QPCT: variants seen among roughly 807,000 people sequenced by gnomAD.
QPCT encodes EC.
In QPCT, 44 loss-of-function variants were observed where a neutral mutation model predicts 43.4. The ratio of observed to expected loss-of-function variants is 1.01; its 90% CI spans 0.80 to 1.30. The LOEUF (loss-of-function observed/expected upper bound fraction) is 1.30. Ranked by LOEUF, QPCT falls within the 50% of genes most tolerant of loss-of-function variation. The probability of loss-of-function intolerance (pLI) is 0.00; values close to 1 mark genes in which losing one functional copy is unlikely to be tolerated. For missense variants in QPCT, 526 were observed against 436.5 expected, an observed-to-expected ratio of 1.21 and a Z score of -1.83; for synonymous variants, 168 against 168.4, an observed-to-expected ratio of 1.00 and a Z score of 0.02.
At chr2:37,358,256 C>A (rs1672788222) in intron 2 of QPCT, among the ~76,000 whole-genome samples, 2 of 151,672 alleles carry the variant, frequency 1.3e-5, no homozygotes, top group African/African-American at 2.4e-5. Flanking sequence ...CTACAAAAAA[C>A]CAAAAAAACA....
At chr2:37,360,222 T>C (rs915846440) in intron 3 of QPCT, among the ~76,000 whole-genome samples, 15 of 152,214 alleles carry the variant, frequency 9.9e-5, no homozygotes, top group African/African-American at 3.6e-4. Context: ...CCATGAAACA[T>C]CACAACCTTC....
intron 4 of QPCT, among the ~76,000 whole-genome samples, chr2:37,369,175 C>T (rs1272674435): frequency 6.6e-6 from 1 of 152,130 alleles, no homozygotes; most frequent in Non-Finnish European, 1.5e-5. Flanking sequence ...ATTTGATACA[C>T]AAGGAAATGG....
At position 37,350,478 on chromosome 2, in the gene QPCT, G is replaced by C. The variant is rs554338820; in HGVS notation, c.121-2311G>C. Among the ~76,000 whole-genome samples the C allele has an allele frequency of 6.6e-5, 10 of 152,272 alleles. No homozygotes were observed. The East Asian group carries it at 1.7e-3, about 26-fold the overall frequency. On this transcript the variant is annotated intron_variant, in intron 1 of 6. Transcript: ENST00000338415. ...AAGCCTGCACTGACAAGTTTATCAA[G>C]GAAATATATTTAAAAATGTCCTACC...
chr2:37,354,756 A>G (rs770342770), intron 2 of QPCT, among the ~76,000 whole-genome samples: 61 of 152,296 alleles, frequency 4.0e-4, no homozygotes, highest in Middle Eastern at 3.4e-3. Flanking sequence ...GGCATTTTCC[A>G]AAAGCCTCAG....
chr2:37,352,324 T>A (rs77068433), intron 1 of QPCT, among the ~76,000 whole-genome samples: 3,604 of 152,242 alleles, frequency 0.024, 65 homozygotes, highest in Middle Eastern at 0.051. Flanking sequence ...TTGGGTTTTT[T>A]AATTATTTTT....
At chr2:37,365,309 A>C (rs535873412) in intron 3 of QPCT, among the ~76,000 whole-genome samples, 1 of 152,292 alleles carries the variant, frequency 6.6e-6, no homozygotes, top group East Asian at 1.9e-4. Flanking sequence ...AAGTGTAGCC[A>C]GGAGGGAGTA....
In QPCT at chr2:37,372,491, T is replaced by TGTGTTTGTGTGTGTGTGC. The variant is rs781494697; in HGVS notation, c.940+23_940+40dup. The TGTGTTTGTGTGTGTGTGC allele has an allele frequency of 1.1e-5, 17 of 1,576,408 alleles. No homozygotes were observed. The highest frequency in any genetic ancestry group is 1.5e-5 in the Non-Finnish European group (17 of 1,145,988). Reference sequence around the variant, plus strand: ...AGAAGAGGTAATGTGTGTGTGTGTGTGTGTTTGTGTGTGTGTGCGTGCACA... The same window carrying TGTGTTTGTGTGTGTGTGC: ...AGAAGAGGTAATGTGTGTGTGTGTGTGTGTTTGTGTGTGTGTGCGTGTTTGTGTGTGTGTGCGTGCACA... On this transcript the variant is annotated intron_variant, in intron 6 of 6. Transcript: ENST00000338415.
chr2:37,353,916 G>A (rs1558602080), intron 2 of QPCT, among the ~76,000 whole-genome samples: 2 of 152,200 alleles, frequency 1.3e-5, no homozygotes, highest in African/African-American at 4.8e-5. Flanking sequence ...CCAGGCTGGA[G>A]TGCAGTGGCG....
chr2:37,344,871 T>C lies in QPCT; in HGVS notation c.120+20T>C, dbSNP rs748268585. 7.7e-5 allele frequency: 121 copies of C among 1,562,966 alleles called. No individual in the cohort carries two copies. Among genetic ancestry groups the C allele is most frequent in the Non-Finnish European group, 2.7e-5 (31 of 1,156,902 alleles). Reference sequence around the variant, plus strand: ...GAGAAGGTGAGGGGCTGTTTCTGCGTAGTTGTACTTGAGCGGCTCTGGTCC... The same window carrying C: ...GAGAAGGTGAGGGGCTGTTTCTGCGCAGTTGTACTTGAGCGGCTCTGGTCC... On this transcript the variant is annotated intron_variant, in intron 1 of 6. Coordinates refer to ENST00000338415, the MANE Select transcript of QPCT (RefSeq NM_012413.4).
chr2:37,369,707 T>C lies in QPCT; in HGVS notation c.746T>C (p.Leu249Ser), dbSNP rs754007513. Residue 249 changes from leucine to serine, a missense_variant, in exon 5 of 7, where the codon TTG (leucine) becomes TCG (serine). Physicochemically the swap from Leu to Ser is moderately radical, Grantham distance 145. Coordinates refer to ENST00000338415, the MANE Select transcript of QPCT (RefSeq NM_012413.4). ...CAGGATTTATTGGTCTTATTGGATTTGATTGGAGCTCCAAACCCAACGTTT... is the reference window on the plus strand; with the variant it reads ...CAGGATTTATTGGTCTTATTGGATTCGATTGGAGCTCCAAACCCAACGTTT... ...HGMDLLVLLD[L>S]IGAPNPTFPN... 1 of 1,604,652 alleles carries C rather than the reference T, an allele frequency of 6.2e-7. No homozygotes were observed. The highest frequency in any genetic ancestry group is 8.5e-7 in the Non-Finnish European group (1 of 1,171,330).
intron 5 of QPCT, among the ~76,000 whole-genome samples, chr2:37,370,970 C>A (rs1285278583): frequency 6.6e-6 from 1 of 152,098 alleles, no homozygotes; most frequent in African/African-American, 2.4e-5. Flanking sequence ...CTTCTTGGAG[C>A]AAGATAGACT....
intron 2 of QPCT, among the ~76,000 whole-genome samples, chr2:37,356,719 G>T (rs1230366168): frequency 6.6e-6 from 1 of 152,144 alleles, no homozygotes; most frequent in Non-Finnish European, 1.5e-5. Context: ...GAACAAAAAA[G>T]TTGCGGGGCT....
At chr2:37,369,906 C>T (rs116393146) in intron 5 of QPCT, 122 bp downstream of exon 5, 14,941 of 864,266 alleles carry the variant, frequency 0.017, 187 homozygotes, top group Non-Finnish European at 0.021. Context: ...AATCCTAGCA[C>T]TTTGGGAGGC....
intron 1 of QPCT, among the ~76,000 whole-genome samples, chr2:37,346,834 C>T (rs1044693226): frequency 7.9e-5 from 12 of 151,790 alleles, no homozygotes; most frequent in Non-Finnish European, 7.4e-5. Flanking sequence ...TTATGGTGTT[C>T]GACTATTTTA....
At chr2:37,354,856 G>A (rs1672708467) in intron 2 of QPCT, among the ~76,000 whole-genome samples, 1 of 151,782 alleles carries the variant, frequency 6.6e-6, no homozygotes, top group South Asian at 2.1e-4. Context: ...TGCCCAGAGC[G>A]CTGTATATAA....
intron 2 of QPCT, among the ~76,000 whole-genome samples, chr2:37,357,088 G>A (rs900376859): frequency 6.6e-6 from 1 of 151,894 alleles, no homozygotes; most frequent in Non-Finnish European, 1.5e-5. Context: ...GTGTCAACAA[G>A]GTCATCAGAA....
Position 37,372,389 on chromosome 2 carries a change from A to G in QPCT, c.857A>G (p.Asp286Gly). The G allele has an allele frequency of 1.2e-6, 2 of 1,614,128 alleles. No homozygotes were observed. The highest frequency in any genetic ancestry group is 1.7e-6 in the Non-Finnish European group (2 of 1,179,970). The change falls in exon 6 of 7, where the codon GAT (aspartate) becomes GGT (glycine). Residue 286 changes from aspartate (D) to glycine (G), a missense_variant. Coordinates refer to ENST00000338415, the MANE Select transcript of QPCT (RefSeq NM_012413.4). ...HELHELGLLK[D>G]HSLEGRYFQN... is the part of the protein sequence containing the mutation. ...CTTCATGAATTGGGTTTGCTCAAGG[A>G]TCACTCTTTGGAGGGGCGGTATTTC...
At chr2:37,361,318 G>A (rs1297143142) in intron 3 of QPCT, among the ~76,000 whole-genome samples, 1 of 152,150 alleles carries the variant, frequency 6.6e-6, no homozygotes, top group Admixed American at 6.5e-5. Flanking sequence ...TAAGTAGACT[G>A]GATTATTCGC....
intron 2 of QPCT, among the ~76,000 whole-genome samples, chr2:37,358,015 A>C (rs1672783925): frequency 6.6e-6 from 1 of 152,118 alleles, no homozygotes; most frequent in South Asian, 2.1e-4. Flanking sequence ...ATGTTAATTG[A>C]AGGACAAATT....
Sources: allele counts gnomAD v4.1 joint callset (sites outside exome capture counted in the v4.1 genomes callset), GRCh38; gene constraint gnomAD v4.1.1; transcripts MANE v1.5; gene names NCBI Gene and HGNC (gene_info 2026-07-23, HGNC 2026-07-21).